Variants in TSPAN33 observed in about 807,000 individuals in gnomAD.
The protein encoded by TSPAN33 is tetraspanin-33.
TSPAN33 carries 27 observed loss-of-function variants against 34.8 expected under a neutral mutation model. That is an observed-to-expected ratio of 0.78 (90% CI 0.57 to 1.07). The LOEUF (loss-of-function observed/expected upper bound fraction) is 1.07, where lower values mean the gene tolerates loss of function less well. Ranked by LOEUF, TSPAN33 falls within the 50% of genes least tolerant of loss-of-function variation. The probability of loss-of-function intolerance (pLI) is 0.00; values close to 1 mark genes in which losing one functional copy is unlikely to be tolerated. For synonymous variants in TSPAN33, 119 were observed against 124.2 expected, an observed-to-expected ratio of 0.96 and a Z score of 0.28; for missense variants, 272 against 324.9, an observed-to-expected ratio of 0.84 and a Z score of 1.25.
chr7:129,167,466 T>A lies in TSPAN33; in HGVS notation c.656T>A (p.Ile219Asn), dbSNP rs1385720617. Residue 219 changes from isoleucine to asparagine, a missense_variant, in exon 7 of 8, where the codon ATC becomes AAC. By Grantham distance (149) the Ile-to-Asn change is moderately radical (BLOSUM62 -3). Coordinates refer to ENST00000486685, the MANE Select transcript of TSPAN33 (RefSeq NM_178562.5). The surrounding 1 kb of genome is among the most constrained non-coding windows in gnomAD (Gnocchi z 4.6). ...GACTACTTGGAAGCTAGCAAAGTCA[T>A]CTACACCAATGGCTGTATTGACAAG... ...AFDYLEASKV[I>N]YTNGCIDKLV... 5.0e-6 allele frequency: 8 copies of A among 1,614,218 alleles called. No homozygotes were observed. The highest frequency in any genetic ancestry group is 5.9e-6 in the Non-Finnish European group (7 of 1,180,036).
At chr7:129,150,384 C>T (rs1465088385) in intron 1 of TSPAN33, among the ~76,000 whole-genome samples, 2 of 152,186 alleles carry the variant, frequency 1.3e-5, no homozygotes, top group Non-Finnish European at 2.9e-5. Flanking sequence ...TGCCTGAAAA[C>T]CAGCCCATTT....
chr7:129,162,401 C>A lies in TSPAN33; in HGVS notation c.168C>A (p.Ala56=). ...YARLMKHAEA[A]LACLAVDPAI... ...GGCCGGCTCCTTTTCCAGAAGCAGC[C>A]CTAGCCTGCCTGGCAGTGGACCCTG... Residue 56 remains alanine (A), a synonymous_variant, in exon 3 of 8, where the codon GCC becomes GCA. Coordinates refer to ENST00000486685, the MANE Select transcript of TSPAN33 (RefSeq NM_178562.5). 3.7e-6 allele frequency: 6 copies of A among 1,613,094 alleles called. No individual in the cohort carries two copies. Among genetic ancestry groups the A allele is most frequent in the Non-Finnish European group, 5.1e-6 (6 of 1,180,006 alleles).
rs1793157431 is a variant in TSPAN33, at chr7:129,167,323, AAGCCCATC to A, written c.589-72_589-65del. ...AATTTAGGAGTTTGGGAAGGGTGGG[AAGCCCATC>A]AGCTAAGGCCCCAAACAAAAAGTTA... is the stretch of plus-strand genomic sequence containing the variant. On this transcript the variant is annotated intron_variant, in intron 6 of 7. Coordinates refer to ENST00000486685, the MANE Select transcript of TSPAN33 (RefSeq NM_178562.5). The surrounding 1 kb of genome is among the most constrained non-coding windows in gnomAD (Gnocchi z 4.6). 2 of 1,507,712 alleles carry A rather than the reference AAGCCCATC, an allele frequency of 1.3e-6. No homozygotes were observed. Among genetic ancestry groups the A allele is most frequent in the Non-Finnish European group, 1.8e-6 (2 of 1,107,552 alleles). The allele number at this position is 1,507,712 out of a possible 1,614,324, so 93.4% of individuals were successfully genotyped here. A position where few individuals can be genotyped will look rare whatever the true frequency, so the allele number is the denominator to read the frequency against.
At chr7:129,155,797 C>G (rs191182742) in intron 1 of TSPAN33, among the ~76,000 whole-genome samples, 9 of 152,120 alleles carry the variant, frequency 5.9e-5, no homozygotes, top group African/African-American at 2.2e-4. Context: ...TCATGGCTCA[C>G]TGCAGCCTCA....
chr7:129,161,588 G>C, intron 1 of TSPAN33, 91 bp from the exon 2 acceptor site: 2 of 1,283,338 alleles, frequency 1.6e-6, no homozygotes, highest in Non-Finnish European at 2.3e-6. Flanking sequence ...CAGGAAAGCA[G>C]TCCTTCTCCT....
At chr7:129,163,696 T>G (rs923001628) in intron 4 of TSPAN33, among the ~76,000 whole-genome samples, 41 of 152,282 alleles carry the variant, frequency 2.7e-4, no homozygotes, top group African/African-American at 9.1e-4. Flanking sequence ...CCAGGCGCGG[T>G]AGCTCATGCC....
At chr7:129,166,988 C>A in intron 6 of TSPAN33, 82 bp downstream of exon 6, 6 of 1,498,984 alleles carry the variant, frequency 4.0e-6, no homozygotes, top group Non-Finnish European at 5.5e-6. Context: ...CTGGGGATCC[C>A]CATCCCCTAG....
chr7:129,166,397 TAAGGA>T, intron 5 of TSPAN33: 1 of 161,616 alleles, frequency 6.2e-6, no homozygotes, highest in East Asian at 1.9e-4. Flanking sequence ...TTCTCTATCT[TAAGGA>T]GAAGTTTTTC....
chr7:129,164,665 C>T (rs1383527582), intron 5 of TSPAN33, 96 bp downstream of exon 5: 1 of 1,170,282 alleles, frequency 8.5e-7, no homozygotes, highest in Non-Finnish European at 1.3e-6. Context: ...TCTTCATTAC[C>T]TGCCAGGTAA....
intron 5 of TSPAN33, 67 bp from the exon 6 acceptor site, chr7:129,166,711 A>C: frequency 6.4e-7 from 1 of 1,573,044 alleles, no homozygotes; most frequent in South Asian, 1.2e-5. Context: ...GGTGGCTCTG[A>C]GAATTCCCCT....
At chr7:129,158,307 ATTATTC>A (rs1317198920) in intron 1 of TSPAN33, among the ~76,000 whole-genome samples, 1 of 152,234 alleles carries the variant, frequency 6.6e-6, no homozygotes, top group African/African-American at 2.4e-5. Flanking sequence ...TTGAGGGGAC[ATTATTC>A]TCTCCACCAT....
At chr7:129,145,485 C>G (rs1810508262) in intron 1 of TSPAN33, among the ~76,000 whole-genome samples, 1 of 151,948 alleles carries the variant, frequency 6.6e-6, no homozygotes, top group African/African-American at 2.4e-5. Context: ...AAACCCAAAC[C>G]TCTCTCTCCA....
At chr7:129,163,419 G>A (rs1184304581) in intron 4 of TSPAN33, among the ~76,000 whole-genome samples, 1 of 150,126 alleles carries the variant, frequency 6.7e-6, no homozygotes, top group Non-Finnish European at 1.5e-5. Context: ...GAACTCCTGG[G>A]CTCAAGTGAT....
In TSPAN33 at chr7:129,169,223, C is replaced by A. The variant is rs1314994074; in HGVS notation, c.*1349C>A. On this transcript the variant is annotated 3_prime_UTR_variant, in exon 8 of 8. Transcript: ENST00000486685. ...CTACCCGGGCCCTCCAGGACCTTCT[C>A]CCTGAGTCGGCTGTAGGGAGGACTC... is the stretch of plus-strand genomic sequence containing the variant. Among the ~76,000 whole-genome samples, 1 of 152,226 alleles carries A rather than the reference C, an allele frequency of 6.6e-6. No homozygotes were observed. The highest frequency in any genetic ancestry group is 1.5e-5 in the Non-Finnish European group (1 of 68,038).
At chr7:129,164,314 C>T (rs1793102935) in intron 4 of TSPAN33, among the ~76,000 whole-genome samples, 160 bp from the exon 5 acceptor site, 1 of 152,100 alleles carries the variant, frequency 6.6e-6, no homozygotes, top group Admixed American at 6.5e-5. Flanking sequence ...CTGGGATGGG[C>T]TTTGGAACTG....
At chr7:129,164,420 G>A in intron 4 of TSPAN33, 54 bp from the exon 5 acceptor site, 1 of 1,506,462 alleles carries the variant, frequency 6.6e-7, no homozygotes, top group Non-Finnish European at 9.2e-7. Context: ...TTGCTGGAAG[G>A]AGCAAGTTAG....
chr7:129,164,237 A>T (rs1396271567), intron 4 of TSPAN33, among the ~76,000 whole-genome samples: 1 of 152,294 alleles, frequency 6.6e-6, no homozygotes, highest in African/African-American at 2.4e-5. Context: ...GTATATCTTG[A>T]AATGTGTCTC....
At chr7:129,160,554 G>A (rs929678122) in intron 1 of TSPAN33, among the ~76,000 whole-genome samples, 4 of 152,146 alleles carry the variant, frequency 2.6e-5, no homozygotes, top group Non-Finnish European at 5.9e-5. Context: ...AGTCTCTGAT[G>A]GGTTTGTTCT....
chr7:129,150,153 CT>C (rs1329102451), intron 1 of TSPAN33, among the ~76,000 whole-genome samples: 1 of 152,100 alleles, frequency 6.6e-6, no homozygotes, highest in East Asian at 1.9e-4. Flanking sequence ...GGTGCGGGCC[CT>C]GAGACAGTGG....
Sources: allele counts gnomAD v4.1 joint callset (sites outside exome capture counted in the v4.1 genomes callset), GRCh38; gene constraint gnomAD v4.1.1; non-coding constraint Gnocchi (gnomAD v3.1); transcripts MANE v1.5; gene names NCBI Gene and HGNC (gene_info 2026-07-23, HGNC 2026-07-21).